C4orf50: variants seen among roughly 807,000 people sequenced by gnomAD.
C4orf50 encodes chromosome 4 open reading frame 50.
In C4orf50, 80 loss-of-function variants were observed where a neutral mutation model predicts 77.2. The observed-to-expected ratio is 1.04, with a 90% CI of 0.87 to 1.25. The LOEUF (loss-of-function observed/expected upper bound fraction) is 1.25. Among genes scored for constraint, C4orf50 ranks in the 50% most tolerant of loss-of-function variants. The pLI is 0.00. For synonymous variants in C4orf50, 532 were observed against 465.3 expected (o/e 1.14, Z -1.84); for missense variants, 1,257 against 1,152.9 (o/e 1.09, Z -1.31).
chr4:5,998,243 G>A (rs1296646955), intron 25 of C4orf50, among the ~76,000 whole-genome samples: 1 of 152,158 alleles, frequency 6.6e-6, no homozygotes, highest in East Asian at 1.9e-4. Flanking sequence ...TCTCACTGGC[G>A]TTATTTTTTA....
At chr4:5,972,827 G>A (rs538854138) in intron 31 of C4orf50, among the ~76,000 whole-genome samples, 11 of 152,196 alleles carry the variant, frequency 7.2e-5, no homozygotes, top group South Asian at 6.2e-4. Flanking sequence ...CCCCAGGAAC[G>A]GGGCTGCATG....
At chr4:5,930,846 G>A (rs1717736944) in intron 7 of C4orf50, among the ~76,000 whole-genome samples, 1 of 152,238 alleles carries the variant, frequency 6.6e-6, no homozygotes, top group African/African-American at 2.4e-5. Flanking sequence ...TGCCCAGCAT[G>A]GGCCTGGCAG....
At chr4:5,966,669 T>TC (rs1401789397) in intron 32 of C4orf50, among the ~76,000 whole-genome samples, 9 of 151,608 alleles carry the variant, frequency 5.9e-5, no homozygotes, top group Non-Finnish European at 1.5e-5. Context: ...GTTTTTTTTT[T>TC]TTTCGGAGTC....
chr4:5,990,644 A>G (rs1402817565), exon 28 of C4orf50: 1 of 399,158 alleles, frequency 2.5e-6, no homozygotes, highest in Non-Finnish European at 4.4e-6. Context: ...GCCGGCCCCC[A>G]GAGAGGGAGT....
intron 7 of C4orf50, among the ~76,000 whole-genome samples, chr4:5,936,181 T>G (rs570452327): frequency 6.6e-6 from 1 of 150,960 alleles, no homozygotes; most frequent in South Asian, 2.1e-4. Flanking sequence ...TCCCCAACAG[T>G]CTGGCTACAG....
intron 28 of C4orf50, among the ~76,000 whole-genome samples, chr4:5,986,936 C>A (rs1463055001): frequency 6.6e-6 from 1 of 152,052 alleles, no homozygotes; most frequent in African/African-American, 2.4e-5. Flanking sequence ...ACCTCTAATC[C>A]TTAGAAACTA....
At chr4:5,952,588 C>G (rs4352417), downstream of C4orf50, among the ~76,000 whole-genome samples, 1 of 152,044 alleles carries the variant, frequency 6.6e-6, no homozygotes, top group Non-Finnish European at 1.5e-5. This position sits in a 1 kb window ranked among gnomAD's most constrained non-coding sequence, Gnocchi z 4.4. Flanking sequence ...ATCTACTCCA[C>G]CCACCCCTTC....
At chr4:5,988,664 G>A in exon 28 of C4orf50, 1 of 1,536,094 alleles carries the variant, frequency 6.5e-7, no homozygotes, top group Non-Finnish European at 8.7e-7. Flanking sequence ...TCTAGAGCGT[G>A]CATCTTGGCT....
At chr4:5,961,088 T>C (rs1247703192) in intron 33 of C4orf50, among the ~76,000 whole-genome samples, 1 of 152,252 alleles carries the variant, frequency 6.6e-6, no homozygotes, top group Admixed American at 6.5e-5. Flanking sequence ...CCCCAGGAAG[T>C]GTCACAATGC....
chr4:5,910,304 C>A (rs995158589), intron 7 of C4orf50, among the ~76,000 whole-genome samples: 12 of 152,176 alleles, frequency 7.9e-5, no homozygotes, highest in African/African-American at 2.9e-4. Context: ...GGAATGCAAC[C>A]TGGTTCCAAT....
intron 28 of C4orf50, among the ~76,000 whole-genome samples, chr4:5,982,518 G>T (rs1209641148): frequency 6.6e-6 from 1 of 152,202 alleles, no homozygotes; most frequent in African/African-American, 2.4e-5. Context: ...ATAAAGGGAA[G>T]CCAGGAGGCT....
At position 5,916,392 on chromosome 4, in the gene C4orf50, A is replaced by G. The variant is rs1305999946; in HGVS notation, c.*2475-18204T>C. On this transcript the variant is annotated intron_variant, in intron 7 of 7. Coordinates refer to the C4orf50 transcript ENST00000324058. The surrounding 1 kb of genome is among the most constrained non-coding windows in gnomAD (Gnocchi z 4.4). ...AGACAGCCTTGGGTCCCTGCCCACC[A>G]CAGAGAAGGCTGGGAGCCAGGACCT... 7.4e-6 allele frequency among the ~76,000 whole-genome samples: 1 copy of G among 134,738 alleles called. No homozygotes were observed. The highest frequency in any genetic ancestry group is 1.5e-5 in the Non-Finnish European group (1 of 67,388). 88.4% of individuals were successfully genotyped at this position (134,738 alleles called of 152,430 possible).
chr4:5,925,467 A>G (rs1717475053), intron 7 of C4orf50, among the ~76,000 whole-genome samples: 1 of 152,354 alleles, frequency 6.6e-6, no homozygotes, highest in East Asian at 1.9e-4. Flanking sequence ...AGAGGGCCTC[A>G]GGACCGATGG....
downstream of C4orf50, among the ~76,000 whole-genome samples, chr4:5,953,575 G>A (rs1718820120): frequency 1.3e-5 from 2 of 152,228 alleles, no homozygotes; most frequent in African/African-American, 4.8e-5. Flanking sequence ...AGTGAGCAGA[G>A]AGCACTGTCC....
chr4:5,948,419 C>T lies in C4orf50; in HGVS notation c.*2474+8482G>A, dbSNP rs1031078915. ...GTGGCTTACGCCTGTAATATCCACACTTTGGGAGGCCGAGGTGGGTGGGTC... is the reference window on the plus strand; with the variant it reads ...GTGGCTTACGCCTGTAATATCCACATTTTGGGAGGCCGAGGTGGGTGGGTC... On this transcript the variant is annotated intron_variant, in intron 7 of 7. Transcript: ENST00000324058. Among the ~76,000 whole-genome samples the T allele has an allele frequency of 3.9e-5, 6 of 152,150 alleles. No homozygotes were observed. In the East Asian group the frequency reaches 1.2e-3, roughly 29 times the overall value.
rs1716496965 is a variant in C4orf50, at chr4:5,905,224, T to A, written c.*2475-7036A>T. 1 of 152,220 alleles carries A rather than the reference T, an allele frequency of 6.6e-6. No homozygotes were observed. The highest frequency in any genetic ancestry group is 6.5e-5 in the Admixed American group (1 of 15,276). The allele number at this position is 152,220 out of a possible 1,614,324, so 9.4% of individuals were successfully genotyped here. On this transcript the variant is annotated intron_variant, in intron 7 of 7. Coordinates refer to the C4orf50 transcript ENST00000324058. This position sits in a 1 kb window ranked among gnomAD's most constrained non-coding sequence, Gnocchi z 5.4. The stretch of plus-strand genomic sequence containing the variant: ...CCTGTCACTCACATGGCATTAAATA[T>A]GGGCTTCTTACAGTCAACAGCCATC...
chr4:5,965,954 T>C lies in C4orf50; in HGVS notation c.4154-809A>G, dbSNP rs186163607. On this transcript the variant is annotated intron_variant, in intron 32 of 33. Coordinates refer to ENST00000531445, the Ensembl canonical transcript of C4orf50. ...CTCAATAGCAGCTTGGTCTTAAAGG[T>C]AACACCATCCAGACGTTCTACACGT... Among the ~76,000 whole-genome samples, 4 of 152,238 alleles carry C rather than the reference T, an allele frequency of 2.6e-5. No homozygotes were observed. The East Asian group carries it at 7.7e-4, about 29-fold the overall frequency.
intron 31 of C4orf50, among the ~76,000 whole-genome samples, chr4:5,972,972 C>A (rs114939543): frequency 6.6e-6 from 1 of 152,244 alleles, no homozygotes; most frequent in Non-Finnish European, 1.5e-5. Context: ...GCTTCCTCTT[C>A]TGTTGACCAC....
At chr4:5,921,465 G>C (rs1162467176) in intron 7 of C4orf50, among the ~76,000 whole-genome samples, 1 of 152,206 alleles carries the variant, frequency 6.6e-6, no homozygotes, top group African/African-American at 2.4e-5. Flanking sequence ...TAGGGGAAGG[G>C]ATGAATGCCG....
Sources: gnomAD v4.1 joint callset for allele counts (sites outside exome capture counted in the v4.1 genomes callset) on GRCh38, gnomAD v4.1.1 for gene constraint, Gnocchi (gnomAD v3.1) non-coding constraint, MANE v1.5 for transcripts, NCBI Gene and HGNC (gene_info 2026-07-23, HGNC 2026-07-21) for gene names.